Variants in GATAD1 observed in about 807,000 individuals in gnomAD.
The protein encoded by GATAD1 is GATA zinc finger domain containing 1, also known as GATA zinc finger domain-containing protein 1.
In GATAD1, 12 loss-of-function variants were observed where a neutral mutation model predicts 26.5. The observed-to-expected ratio is 0.45, with a 90% CI of 0.29 to 0.73. The LOEUF is 0.73. Among genes scored for constraint, GATAD1 ranks in the 30% least tolerant of loss-of-function variants. The pLI is 0.10. For synonymous variants in GATAD1, 129 were observed against 133.1 expected (o/e 0.97, Z 0.21); for missense variants, 266 against 342.1 (o/e 0.78, Z 1.75).
At chr7:92,491,977 CA>C in the GATAD1 span, among the ~76,000 whole-genome samples, 1 of 152,092 alleles carries the variant, frequency 6.6e-6, no homozygotes, top group Admixed American at 6.5e-5. Flanking sequence ...GTAGACATTC[CA>C]AACAAATGTG....
At chr7:92,489,930 T>A in the GATAD1 span, 1 of 1,595,402 alleles carries the variant, frequency 6.3e-7, no homozygotes, top group Non-Finnish European at 8.6e-7. Context: ...TAAATTGTAG[T>A]AATGAAAGAT....
chr7:92,494,275 T>C, the GATAD1 span: 8 of 1,580,958 alleles, frequency 5.1e-6, no homozygotes, highest in Non-Finnish European at 7.0e-6. Flanking sequence ...TTTTGGACTC[T>C]AAATATGAAA....
chr7:92,464,721 T>C (rs1232932641), downstream of GATAD1, among the ~76,000 whole-genome samples: 4 of 152,074 alleles, frequency 2.6e-5, no homozygotes, highest in Non-Finnish European at 5.9e-5. Context: ...GGACAGGCCA[T>C]AAAAGGACAA....
chr7:92,455,010 C>G (rs1789608237), intron 4 of GATAD1, among the ~76,000 whole-genome samples: 1 of 151,758 alleles, frequency 6.6e-6, no homozygotes, highest in Non-Finnish European at 1.5e-5. Flanking sequence ...GGGCCCCACC[C>G]TTATGGTTTC....
the GATAD1 span, chr7:92,493,233 A>G: frequency 3.0e-6 from 2 of 670,398 alleles, no homozygotes; most frequent in Non-Finnish European, 4.9e-6. Flanking sequence ...TTATATATCT[A>G]AAAAGCTTTA....
the GATAD1 span, chr7:92,489,835 G>A: frequency 6.8e-6 from 11 of 1,614,070 alleles, no homozygotes; most frequent in South Asian, 1.2e-4. Context: ...TGGAGGCTGT[G>A]AAAACAACTG....
chr7:92,480,090 G>T, the GATAD1 span, among the ~76,000 whole-genome samples: 1 of 152,104 alleles, frequency 6.6e-6, no homozygotes, highest in Non-Finnish European at 1.5e-5. Context: ...CTTTCCTGAA[G>T]ATTGAGGACA....
At chr7:92,454,292 T>A (rs1379960090) in intron 3 of GATAD1, 3 of 531,444 alleles carry the variant, frequency 5.6e-6, no homozygotes, top group Non-Finnish European at 9.9e-6. Flanking sequence ...TAAACTGTCA[T>A]ATATGCACCC....
At chr7:92,487,376 T>C in the GATAD1 span, 1 of 748,410 alleles carries the variant, frequency 1.3e-6, no homozygotes, top group Non-Finnish European at 2.3e-6. Flanking sequence ...AAGAAATTCA[T>C]AGACACCATT....
chr7:92,474,749 C>T, the GATAD1 span: 1 of 152,192 alleles, frequency 6.6e-6, no homozygotes, highest in Non-Finnish European at 1.5e-5. Context: ...TGTCCTAACC[C>T]TTGTAAAACA....
At chr7:92,456,164 A>G (rs566986806) in intron 4 of GATAD1, among the ~76,000 whole-genome samples, 3 of 152,332 alleles carry the variant, frequency 2.0e-5, no homozygotes, top group African/African-American at 7.2e-5. Context: ...CAAGTGTTCA[A>G]TCACTGTTTT....
downstream of GATAD1, among the ~76,000 whole-genome samples, chr7:92,460,776 C>CAAAAAAAA (rs557542327): frequency 1.6e-5 from 1 of 63,336 alleles, no homozygotes; most frequent in Non-Finnish European, 3.4e-5. Context: ...GACCTTCTCT[C>CAAAAAAAA]AAAAAAAAAA....
intron 3 of GATAD1, 185 bp from the exon 4 acceptor site, chr7:92,454,317 A>G (rs964024778): frequency 5.1e-6 from 3 of 585,352 alleles, no homozygotes; most frequent in Non-Finnish European, 9.0e-6. Flanking sequence ...ATGTGTATGT[A>G]TAATTTTCAT....
At chr7:92,481,649 G>C in the GATAD1 span, among the ~76,000 whole-genome samples, 1 of 152,320 alleles carries the variant, frequency 6.6e-6, no homozygotes, top group South Asian at 2.1e-4. Flanking sequence ...GACAGGGAGA[G>C]CTAGTGTGGG....
intron 4 of GATAD1, among the ~76,000 whole-genome samples, chr7:92,455,852 C>T (rs909197100): frequency 2.6e-5 from 4 of 152,184 alleles, no homozygotes; most frequent in Admixed American, 2.0e-4. Context: ...ATCAGAATCA[C>T]CTTCGGGATT....
chr7:92,492,379 G>T, the GATAD1 span, among the ~76,000 whole-genome samples: 4 of 152,178 alleles, frequency 2.6e-5, no homozygotes, highest in Non-Finnish European at 5.9e-5. Context: ...GTGCAACCAT[G>T]ATTTGGTCTC....
At chr7:92,493,174 AAAT>A in the GATAD1 span, 1 of 1,064,388 alleles carries the variant, frequency 9.4e-7, no homozygotes, top group Non-Finnish European at 1.4e-6. Context: ...ATAAAATTAA[AAAT>A]ATTATCTTAA....
intron 1 of GATAD1, 125 bp downstream of exon 1, chr7:92,448,103 C>T (rs1440318981): frequency 5.2e-6 from 3 of 580,820 alleles, no homozygotes; most frequent in Non-Finnish European, 4.9e-6. Context: ...GCTGGAACGC[C>T]CCTCCCCACC....
the GATAD1 span, chr7:92,494,705 ATGT>A: frequency 5.5e-5 from 64 of 1,167,940 alleles, no homozygotes; most frequent in Non-Finnish European, 7.5e-5. Context: ...ACATATATGA[ATGT>A]ATTTATTTTA....
Sources: gnomAD v4.1 joint callset for allele counts (sites outside exome capture counted in the v4.1 genomes callset) on GRCh38, gnomAD v4.1.1 for gene constraint, MANE v1.5 for transcripts, NCBI Gene and HGNC (gene_info 2026-07-23, HGNC 2026-07-21) for gene names.